CCDC141: variants seen among roughly 807,000 people sequenced by gnomAD.
CCDC141 encodes the protein coiled-coil domain-containing protein 141.
Under a neutral mutation model 181.0 loss-of-function variants are expected in CCDC141, and 168 were observed. The observed-to-expected ratio is 0.93, with a 90% CI of 0.82 to 1.05. CCDC141 has a LOEUF of 1.05. CCDC141 is among the 50% of genes least tolerant of loss of function. The pLI, the probability that CCDC141 is intolerant of heterozygous loss-of-function variation, is 0.00. For synonymous variants in CCDC141, 666 were observed against 642.3 expected, an observed-to-expected ratio of 1.04 and a Z score of -0.56; for missense variants, 1,902 against 1,788.5, an observed-to-expected ratio of 1.06 and a Z score of -1.14.
intron 2 of CCDC141, among the ~76,000 whole-genome samples, chr2:179,042,917 TG>T (rs1290718211): frequency 1.3e-5 from 2 of 151,844 alleles, no homozygotes; most frequent in Non-Finnish European, 2.9e-5. Flanking sequence ...AAAAAATCAA[TG>T]AATCCTAAAA....
intron 2 of CCDC141, among the ~76,000 whole-genome samples, chr2:178,988,276 A>G (rs551796416): frequency 6.4e-5 from 9 of 141,664 alleles, no homozygotes; most frequent in Non-Finnish European, 1.4e-4. Flanking sequence ...CAGTGAGATC[A>G]CATGGACACA....
In CCDC141 at chr2:178,905,387, A is replaced by G; in HGVS notation, c.1207T>C (p.Cys403Arg). 1 of 1,550,728 alleles carries G rather than the reference A, an allele frequency of 6.4e-7. No homozygotes were observed. The highest frequency in any genetic ancestry group is 8.7e-7 in the Non-Finnish European group (1 of 1,146,972). The stretch of plus-strand genomic sequence containing the variant: ...CCCTTTTGCAAAGCATCAGTTGTGC[A>G]GTCTTTAATTTTTCTGTGTAATTCC... ...HEELHRKIKD[C>R]TTDALQKGQT... is the part of the protein sequence containing the mutation. The change falls in exon 8 of 24, where the codon TGC (cysteine) becomes CGC (arginine). Residue 403 changes from cysteine (C) to arginine (R), a missense_variant. Cys to Arg is a radical substitution (Grantham distance 180). Transcript: ENST00000443758.
intron 4 of CCDC141, among the ~76,000 whole-genome samples, chr2:178,974,240 C>G (rs538205187): frequency 6.6e-6 from 1 of 152,246 alleles, no homozygotes; most frequent in South Asian, 2.1e-4. Context: ...GAATGACAGG[C>G]TGGTGGAGCT....
intron 2 of CCDC141, among the ~76,000 whole-genome samples, chr2:179,019,291 G>A (rs561997988): frequency 2.0e-5 from 3 of 152,082 alleles, no homozygotes; most frequent in South Asian, 2.1e-4. Flanking sequence ...CACGGTCTAC[G>A]TTGCTGATAA....
chr2:178,835,479 T>A (rs1005452899), intron 23 of CCDC141, among the ~76,000 whole-genome samples: 2 of 152,246 alleles, frequency 1.3e-5, no homozygotes, highest in African/African-American at 4.8e-5. Flanking sequence ...CCACAATCTA[T>A]CACTCAGGGG....
chr2:178,886,031 TAATA>T (rs1264090997), intron 10 of CCDC141, among the ~76,000 whole-genome samples: 1 of 151,942 alleles, frequency 6.6e-6, no homozygotes, highest in Non-Finnish European at 1.5e-5. Flanking sequence ...GTATTCTAAA[TAATA>T]AATAAAAAAT....
intron 5 of CCDC141, among the ~76,000 whole-genome samples, chr2:178,946,515 G>T (rs1167675846): frequency 6.6e-6 from 1 of 152,108 alleles, no homozygotes; most frequent in African/African-American, 2.4e-5. Context: ...TAGCTAAAGT[G>T]GGAGGGACTT....
chr2:179,030,395 T>C (rs1395761560), intron 2 of CCDC141, among the ~76,000 whole-genome samples: 1 of 152,092 alleles, frequency 6.6e-6, no homozygotes, highest in Non-Finnish European at 1.5e-5. Context: ...GAATCTGAAT[T>C]GCATTTGGCC....
chr2:179,033,285 T>C (rs1051489842), intron 2 of CCDC141, among the ~76,000 whole-genome samples: 1 of 151,946 alleles, frequency 6.6e-6, no homozygotes, highest in Non-Finnish European at 1.5e-5. Context: ...GCTATGATAT[T>C]TGCATAATGT....
Position 178,872,301 on chromosome 2 carries a change from G to C in CCDC141, c.1911C>G (p.Asn637Lys). 1 of 1,609,810 alleles carries C rather than the reference G, an allele frequency of 6.2e-7. No individual in the cohort carries two copies. Among genetic ancestry groups the C allele is most frequent in the Non-Finnish European group, 8.5e-7 (1 of 1,178,414 alleles). The change falls in exon 13 of 24, where the codon AAC becomes AAG. Residue 637 changes from asparagine (N) to lysine (K), a missense_variant. By Grantham distance (94) the Asn-to-Lys change is moderately conservative. Coordinates refer to ENST00000443758, the MANE Select transcript of CCDC141 (RefSeq NM_173648.4). Reference sequence around the variant, plus strand: ...CTTCATTTTTCACATCTAATATCTCGTTCTCTTTTGCCTGTTAAATTAATA... The same window carrying C: ...CTTCATTTTTCACATCTAATATCTCCTTCTCTTTTGCCTGTTAAATTAATA... ...FLNLINMAKE[N>K]EILDVKNEVY... is the part of the protein sequence containing the mutation.
rs567071262 is a variant in CCDC141, at chr2:178,952,705, T to TATATACCAAA, written c.781-8064_781-8055dup. ...CCTAGAGAGAATTCTAGAGATAGCC[T>TATATACCAAA]ATATACCAAAATGAAATTCTGTGAT... On this transcript the variant is annotated intron_variant, in intron 5 of 23. Coordinates refer to ENST00000443758, the MANE Select transcript of CCDC141 (RefSeq NM_173648.4). Among the ~76,000 whole-genome samples the TATATACCAAA allele has an allele frequency of 4.8e-3, 726 of 152,352 alleles. 4 individuals are homozygous for TATATACCAAA. Among genetic ancestry groups the TATATACCAAA allele is most frequent in the Non-Finnish European group, 8.4e-3 (569 of 68,024 alleles).
At chr2:179,023,088 T>G (rs2042732950) in intron 2 of CCDC141, among the ~76,000 whole-genome samples, 1 of 152,176 alleles carries the variant, frequency 6.6e-6, no homozygotes, top group South Asian at 2.1e-4. Flanking sequence ...CATGGCTTCC[T>G]AGCTATATGA....
At chr2:178,999,917 T>G (rs146251883) in intron 2 of CCDC141, among the ~76,000 whole-genome samples, 2 of 152,242 alleles carry the variant, frequency 1.3e-5, no homozygotes, top group African/African-American at 4.8e-5. Flanking sequence ...ACCATCATAG[T>G]CATTATTATA....
chr2:178,837,736 C>A lies in CCDC141; in HGVS notation c.3483G>T (p.Val1161=). ...TGATGCCCAAAAGATCTGCCACCTG[C>A]ACCTGCCCCTTGAAAAAAGAAAAGC... The part of the protein sequence containing the change: ...IFNEERNKGQ[V]QVADLLGING... Residue 1161 remains valine (V), a synonymous_variant, in exon 23 of 24, where the codon GTG becomes GTT. Coordinates refer to ENST00000443758, the MANE Select transcript of CCDC141 (RefSeq NM_173648.4). 6.3e-7 allele frequency: 1 copy of A among 1,590,336 alleles called. No individual in the cohort carries two copies. Among genetic ancestry groups the A allele is most frequent in the Non-Finnish European group, 8.5e-7 (1 of 1,171,806 alleles).
chr2:178,878,521 G>T (rs760395993), intron 11 of CCDC141, among the ~76,000 whole-genome samples: 9 of 129,454 alleles, frequency 7.0e-5, no homozygotes, highest in Non-Finnish European at 1.3e-4. Flanking sequence ...GTCTTGCTAT[G>T]TTGCCCAGGT....
intron 7 of CCDC141, among the ~76,000 whole-genome samples, chr2:178,911,990 T>C (rs561220189): frequency 2.0e-5 from 3 of 152,350 alleles, no homozygotes; most frequent in African/African-American, 4.8e-5. Flanking sequence ...AAGTCCCAAG[T>C]ACCTTGGATC....
At chr2:178,930,156 A>G (rs1689046900) in intron 6 of CCDC141, among the ~76,000 whole-genome samples, 1 of 152,168 alleles carries the variant, frequency 6.6e-6, no homozygotes, top group Non-Finnish European at 1.5e-5. Flanking sequence ...TTGTGTTTCT[A>G]TAGAATAGCA....
Position 178,864,911 on chromosome 2 carries a change from G to T in CCDC141, c.2724+856C>A, listed in dbSNP as rs181340789. ...GGCTTAATGGGCTCAGAAACATTTTGCTCTAAATGGAGATAAATCTAGAAT... is the reference window on the plus strand; with the variant it reads ...GGCTTAATGGGCTCAGAAACATTTTTCTCTAAATGGAGATAAATCTAGAAT... On this transcript the variant is annotated intron_variant, in intron 17 of 23. Coordinates refer to ENST00000443758, the MANE Select transcript of CCDC141 (RefSeq NM_173648.4). 3.3e-5 allele frequency among the ~76,000 whole-genome samples: 5 copies of T among 152,268 alleles called. No individual in the cohort carries two copies. The East Asian group carries it at 9.6e-4, about 29-fold the overall frequency.
intron 2 of CCDC141, among the ~76,000 whole-genome samples, chr2:179,016,254 C>G (rs1269900413): frequency 6.6e-6 from 1 of 151,732 alleles, no homozygotes; most frequent in Non-Finnish European, 1.5e-5. Flanking sequence ...GTATACTGCT[C>G]GGGTTATGGG....
Sources: gnomAD v4.1 joint callset for allele counts (sites outside exome capture counted in the v4.1 genomes callset) on GRCh38, gnomAD v4.1.1 for gene constraint, MANE v1.5 for transcripts, NCBI Gene and HGNC (gene_info 2026-07-23, HGNC 2026-07-21) for gene names.